Variants in PAPSS1 observed in about 807,000 individuals in gnomAD.
PAPSS1 encodes 3'-phosphoadenosine 5'-phosphosulfate synthase 1.
A neutral mutation model predicts 72.0 loss-of-function variants in PAPSS1; 50 were observed. The observed-to-expected ratio is 0.69, with a 90% CI of 0.55 to 0.88. The LOEUF (loss-of-function observed/expected upper bound fraction) is 0.88. Ranked by LOEUF, PAPSS1 falls within the 40% of genes least tolerant of loss-of-function variation. PAPSS1 has a pLI of 0.00. For missense variants in PAPSS1, 657 were observed against 782.2 expected (o/e 0.84, Z 1.91); for synonymous variants, 261 against 263.6 (o/e 0.99, Z 0.09).
intron 10 of PAPSS1, among the ~76,000 whole-genome samples, chr4:107,634,900 C>T (rs1356475432): frequency 6.7e-6 from 1 of 149,378 alleles, no homozygotes; most frequent in African/African-American, 2.5e-5. Flanking sequence ...TGGGTTCACA[C>T]CATTCTCCTG....
chr4:107,672,758 C>T (rs566472732), intron 5 of PAPSS1, among the ~76,000 whole-genome samples: 69 of 152,320 alleles, frequency 4.5e-4, no homozygotes, highest in African/African-American at 1.6e-3. Flanking sequence ...TGAGAACTGA[C>T]AGACTGCCTC....
chr4:107,659,504 T>C (rs560045327), intron 6 of PAPSS1, among the ~76,000 whole-genome samples: 6 of 152,270 alleles, frequency 3.9e-5, no homozygotes, highest in Admixed American at 1.3e-4. Flanking sequence ...CGCAGTTGTA[T>C]TGGGAAAGAC....
intron 1 of PAPSS1, 82 bp downstream of exon 1, chr4:107,720,038 C>A (rs1010640060): frequency 1.1e-4 from 175 of 1,567,880 alleles, no homozygotes; most frequent in Non-Finnish European, 1.4e-4. Context: ...GCGGAGGAGG[C>A]GGGAGAGAGG....
At chr4:107,684,393 A>G (rs1722717466) in intron 4 of PAPSS1, among the ~76,000 whole-genome samples, 1 of 152,130 alleles carries the variant, frequency 6.6e-6, no homozygotes, top group Non-Finnish European at 1.5e-5. Context: ...TCATCAAAAC[A>G]TGTTTCTTTG....
intron 4 of PAPSS1, among the ~76,000 whole-genome samples, chr4:107,684,791 T>TA (rs150504992): frequency 0.14 from 20,671 of 152,164 alleles, 1,692 homozygotes; most frequent in East Asian, 0.34. Context: ...CATGCCTCTC[T>TA]AAAATGTATA....
rs1727130392 is a variant in PAPSS1, at chr4:107,659,997, T to C, written c.745A>G (p.Thr249Ala). The change falls in exon 6 of 12, where the codon ACA (threonine) becomes GCA (alanine). Residue 249 changes from threonine (T) to alanine (A), a missense_variant. By Grantham distance (58) the Thr-to-Ala change is moderately conservative. Coordinates refer to ENST00000265174, the MANE Select transcript of PAPSS1 (RefSeq NM_005443.5). ...VPENKLHLAK[T>A]DAETLPALKI... ...AGTGCTGGTAATGTTTCCGCATCTG[T>C]TTTTGCCAAATGAAGTTTATTTTCT... The C allele has an allele frequency of 1.2e-6, 2 of 1,606,702 alleles. No individual in the cohort carries two copies. Among genetic ancestry groups the C allele is most frequent in the African/African-American group, 2.7e-5 (2 of 74,714 alleles).
At chr4:107,615,790 A>C (rs1725804688) in intron 11 of PAPSS1, among the ~76,000 whole-genome samples, 1 of 152,214 alleles carries the variant, frequency 6.6e-6, no homozygotes, top group Non-Finnish European at 1.5e-5. Context: ...ATTAGAATTA[A>C]ATGAGGCCAA....
At chr4:107,631,407 TA>T (rs60528124) in intron 11 of PAPSS1, among the ~76,000 whole-genome samples, 264 of 152,328 alleles carry the variant, frequency 1.7e-3, no homozygotes, top group African/African-American at 5.8e-3. Context: ...ATATTGTCCT[TA>T]CAGACTTCAA....
At chr4:107,707,339 G>A (rs6852334) in intron 1 of PAPSS1, among the ~76,000 whole-genome samples, 464 of 152,304 alleles carry the variant, frequency 3.0e-3, no homozygotes, top group African/African-American at 0.01. Context: ...GGGCCACTGG[G>A]GCCAGCCTGG....
At chr4:107,698,418 G>T (rs532129993) in intron 2 of PAPSS1, among the ~76,000 whole-genome samples, 5 of 152,068 alleles carry the variant, frequency 3.3e-5, no homozygotes, top group Admixed American at 6.5e-5. Flanking sequence ...TCAAATACAC[G>T]TTTATGAAAA....
At chr4:107,690,576 G>A (rs1432182374) in intron 3 of PAPSS1, among the ~76,000 whole-genome samples, 1 of 152,152 alleles carries the variant, frequency 6.6e-6, no homozygotes, top group Non-Finnish European at 1.5e-5. Context: ...GAAGTATCAG[G>A]TTAATTTTCA....
At chr4:107,615,460 C>T (rs571198346) in intron 11 of PAPSS1, among the ~76,000 whole-genome samples, 3 of 152,140 alleles carry the variant, frequency 2.0e-5, no homozygotes, top group Non-Finnish European at 2.9e-5. Flanking sequence ...GTGGCCCTGG[C>T]TTCTGGAGGT....
rs34351516 is a variant in PAPSS1 at position 107,616,080 on chromosome 4, TAGAGAG to T, written c.1737-1699_1737-1694del. ...AAATATCACTGCTATTTTTAGAAAA[TAGAGAG>T]AGAGAGAGAGAGAGTGTGTGTGCAC... On this transcript the variant is annotated intron_variant, in intron 11 of 11. Coordinates refer to ENST00000265174, the MANE Select transcript of PAPSS1 (RefSeq NM_005443.5). Among the ~76,000 whole-genome samples the T allele has an allele frequency of 3.4e-4, 51 of 149,798 alleles. 1 individual carries two copies. The South Asian group carries it at 6.4e-3, about 19-fold the overall frequency.
intron 11 of PAPSS1, among the ~76,000 whole-genome samples, chr4:107,626,771 C>T (rs1219763674): frequency 6.6e-6 from 1 of 152,168 alleles, no homozygotes; most frequent in East Asian, 1.9e-4. Context: ...TAACTGTTTT[C>T]TCACTACATC....
chr4:107,669,642 T>A (rs1315142488), intron 5 of PAPSS1, among the ~76,000 whole-genome samples: 2 of 152,236 alleles, frequency 1.3e-5, no homozygotes, highest in African/African-American at 2.4e-5. Context: ...GAAATATGCG[T>A]GCTTTCATTG....
intron 5 of PAPSS1, among the ~76,000 whole-genome samples, chr4:107,674,176 C>T (rs984084021): frequency 1.3e-5 from 2 of 152,146 alleles, no homozygotes; most frequent in African/African-American, 2.4e-5. Flanking sequence ...CAAATTCACA[C>T]ATAACAATAT....
At chr4:107,669,512 G>A (rs1328658990) in intron 5 of PAPSS1, among the ~76,000 whole-genome samples, 2 of 152,194 alleles carry the variant, frequency 1.3e-5, no homozygotes, top group African/African-American at 4.8e-5. Context: ...TAAGGTCCAT[G>A]AGGCTGGAAT....
chr4:107,683,823 T>C (rs72885204), intron 4 of PAPSS1, among the ~76,000 whole-genome samples: 4,697 of 152,186 alleles, frequency 0.031, 226 homozygotes, highest in African/African-American at 0.11. Context: ...TGCTGGAATA[T>C]ATACCATTAC....
chr4:107,627,468 T>C (rs1578383110), intron 11 of PAPSS1, among the ~76,000 whole-genome samples: 2 of 152,112 alleles, frequency 1.3e-5, no homozygotes, highest in Admixed American at 1.3e-4. Flanking sequence ...TCACCTGACA[T>C]TGTATGTTTT....
Sources: gnomAD v4.1 joint callset for allele counts (sites outside exome capture counted in the v4.1 genomes callset) on GRCh38, gnomAD v4.1.1 for gene constraint, MANE v1.5 for transcripts, NCBI Gene and HGNC (gene_info 2026-07-23, HGNC 2026-07-21) for gene names.